Variants in KIRREL1 observed in about 807,000 individuals in gnomAD.
The protein encoded by KIRREL1 is kin of IRRE-like protein 1.
A neutral mutation model predicts 83.3 loss-of-function variants in KIRREL1; 25 were observed. The observed-to-expected ratio is 0.30, with a 90% CI of 0.22 to 0.42. The LOEUF (loss-of-function observed/expected upper bound fraction) is 0.42. Ranked by LOEUF, KIRREL1 falls within the 10% of genes least tolerant of loss-of-function variation. The probability of loss-of-function intolerance (pLI) is 1.00; values close to 1 mark genes in which losing one functional copy is unlikely to be tolerated. For missense variants in KIRREL1, 812 were observed against 1,032.3 expected (o/e 0.79, Z 2.92); for synonymous variants, 388 against 410.4 (o/e 0.95, Z 0.66).
At chr1:158,006,678 C>T (rs754057541) in intron 1 of KIRREL1, among the ~76,000 whole-genome samples, 1 of 152,184 alleles carries the variant, frequency 6.6e-6, no homozygotes, top group Non-Finnish European at 1.5e-5. Context: ...GTCTAGTGTC[C>T]CCTTCTCAGC....
intron 1 of KIRREL1, among the ~76,000 whole-genome samples, chr1:157,995,126 T>C (rs1446539767): frequency 6.6e-6 from 1 of 152,234 alleles, no homozygotes; most frequent in Admixed American, 6.5e-5. Flanking sequence ...ATTATTGCCC[T>C]GCTTTCTGTT....
At chr1:158,043,441 A>G (rs1660695679) in intron 1 of KIRREL1, among the ~76,000 whole-genome samples, 1 of 150,688 alleles carries the variant, frequency 6.6e-6, no homozygotes, top group Non-Finnish European at 1.5e-5. Flanking sequence ...TGTGGCCTCC[A>G]CCCCAGGCGG....
intron 1 of KIRREL1, among the ~76,000 whole-genome samples, chr1:158,015,427 G>A (rs528283623): frequency 6.6e-6 from 1 of 152,290 alleles, no homozygotes; most frequent in African/African-American, 2.4e-5. Flanking sequence ...TTGGAGAGTT[G>A]GGAACCAAGA....
chr1:158,079,815 C>A (rs1016564567), intron 3 of KIRREL1, among the ~76,000 whole-genome samples: 1 of 152,180 alleles, frequency 6.6e-6, no homozygotes, highest in Non-Finnish European at 1.5e-5. Flanking sequence ...CATAATGACA[C>A]CAGCCTTTTC....
At chr1:158,004,161 ATCTT>A (rs1204985162) in intron 1 of KIRREL1, among the ~76,000 whole-genome samples, 1 of 152,194 alleles carries the variant, frequency 6.6e-6, no homozygotes, top group Non-Finnish European at 1.5e-5. Context: ...GATTACGTCT[ATCTT>A]CTAGGGTTGT....
At chr1:157,999,970 G>A (rs1348944910) in intron 1 of KIRREL1, among the ~76,000 whole-genome samples, 1 of 151,992 alleles carries the variant, frequency 6.6e-6, no homozygotes, top group Non-Finnish European at 1.5e-5. Flanking sequence ...TTTTACAGAT[G>A]GACAAACAGG....
At chr1:158,031,060 T>A (rs985570362) in intron 1 of KIRREL1, 1 of 152,156 alleles carries the variant, frequency 6.6e-6, no homozygotes, top group Non-Finnish European at 1.5e-5. Context: ...CTCTCCCCTG[T>A]TCATTAATGA....
intron 1 of KIRREL1, among the ~76,000 whole-genome samples, chr1:158,047,735 G>A (rs1570949118): frequency 6.6e-6 from 1 of 152,080 alleles, no homozygotes; most frequent in African/African-American, 2.4e-5. Flanking sequence ...TGGAGCTGGG[G>A]CCAGAACCCG....
intron 8 of KIRREL1, among the ~76,000 whole-genome samples, chr1:158,088,720 G>A (rs1012817570): frequency 6.6e-6 from 1 of 151,700 alleles, no homozygotes; most frequent in East Asian, 1.9e-4. Flanking sequence ...TCCTGACCTC[G>A]TGATCCGCCC....
At chr1:158,029,764 C>T (rs1470656113) in intron 1 of KIRREL1, among the ~76,000 whole-genome samples, 2 of 152,218 alleles carry the variant, frequency 1.3e-5, no homozygotes, top group Non-Finnish European at 2.9e-5. Flanking sequence ...TCTGAGCTTA[C>T]TGAGTCTCAG....
chr1:158,083,454 G>C (rs762965871), intron 3 of KIRREL1, among the ~76,000 whole-genome samples: 2 of 152,218 alleles, frequency 1.3e-5, no homozygotes, highest in Non-Finnish European at 2.9e-5. Context: ...GTGGGAGAAG[G>C]GCATGCCATA....
intron 1 of KIRREL1, among the ~76,000 whole-genome samples, chr1:157,994,658 ACT>A (rs1659142240): frequency 6.6e-6 from 1 of 151,794 alleles, no homozygotes; most frequent in Non-Finnish European, 1.5e-5. Context: ...CCCAGGTCTG[ACT>A]CTAAGGAAGA....
chr1:158,010,480 C>G (rs528621453), intron 1 of KIRREL1, among the ~76,000 whole-genome samples: 1 of 145,882 alleles, frequency 6.9e-6, no homozygotes, highest in Non-Finnish European at 1.5e-5. Context: ...AATGTCCCAG[C>G]CTGCCCTGGA....
intron 1 of KIRREL1, among the ~76,000 whole-genome samples, chr1:158,045,617 T>A (rs1660758938): frequency 1.3e-5 from 2 of 152,214 alleles, no homozygotes; most frequent in South Asian, 4.1e-4. Flanking sequence ...TCACCCACCC[T>A]GCACATCAAT....
At chr1:158,010,680 G>C (rs931477964) in intron 1 of KIRREL1, among the ~76,000 whole-genome samples, 1 of 152,052 alleles carries the variant, frequency 6.6e-6, no homozygotes, top group Non-Finnish European at 1.5e-5. Flanking sequence ...CTCTTTTTCT[G>C]GGAACTTTTG....
At chr1:157,995,696 C>T (rs1024379346) in intron 1 of KIRREL1, among the ~76,000 whole-genome samples, 1 of 152,110 alleles carries the variant, frequency 6.6e-6, no homozygotes, top group South Asian at 2.1e-4. Context: ...GTGTTGTGTG[C>T]CTTTCTCTCT....
rs1662342863 is a variant in KIRREL1, at chr1:158,095,867, A to C, written c.*747A>C. ...GATAAGTCAGGGTCCTGGTGGAGAA[A>C]GAAAGGCTAGGACCATGTCCTCATT... On this transcript the variant is annotated 3_prime_UTR_variant, in exon 15 of 15. Coordinates refer to ENST00000359209, the MANE Select transcript of KIRREL1 (RefSeq NM_018240.7). 6.6e-6 allele frequency: 1 copy of C among 152,336 alleles called. No individual in the cohort carries two copies. Among genetic ancestry groups the C allele is most frequent in the Non-Finnish European group, 1.5e-5 (1 of 68,180 alleles). 9.4% of individuals were successfully genotyped at this position (152,336 alleles called of 1,614,324 possible).
chr1:158,003,999 C>G (rs1311035316), intron 1 of KIRREL1, among the ~76,000 whole-genome samples: 2 of 152,128 alleles, frequency 1.3e-5, no homozygotes, highest in Non-Finnish European at 2.9e-5. Flanking sequence ...TTCAACACAA[C>G]CCGGTTCCTG....
At chr1:158,017,435 T>C (rs1342743116) in intron 1 of KIRREL1, among the ~76,000 whole-genome samples, 1 of 152,310 alleles carries the variant, frequency 6.6e-6, no homozygotes, top group Non-Finnish European at 1.5e-5. Context: ...CTCACGCCTT[T>C]AATCCCAGCA....
Sources: allele counts gnomAD v4.1 joint callset (sites outside exome capture counted in the v4.1 genomes callset), GRCh38; gene constraint gnomAD v4.1.1; transcripts MANE v1.5; gene names NCBI Gene and HGNC (gene_info 2026-07-23, HGNC 2026-07-21).